The following AHNAK variants were observed in gnomAD, a reference collection of about 807,000 sequenced individuals.
The protein encoded by AHNAK is neuroblast differentiation-associated protein AHNAK.
In AHNAK, 23 loss-of-function variants were observed where a neutral mutation model predicts 37.8. The ratio of observed to expected loss-of-function variants is 0.61; its 90% CI spans 0.44 to 0.86. The LOEUF (loss-of-function observed/expected upper bound fraction) is 0.86, where lower values mean the gene tolerates loss of function less well. Among genes scored for constraint, AHNAK ranks in the 40% least tolerant of loss-of-function variants. The pLI is 0.00. For synonymous variants in AHNAK, 2,481 were observed against 2,636.3 expected (o/e 0.94, Z 1.80); for missense variants, 7,411 against 7,319.4 (o/e 1.01, Z -0.46).
At chr11:62,484,335 A>G (rs1939345542) in intron 5 of AHNAK, among the ~76,000 whole-genome samples, 1 of 152,094 alleles carries the variant, frequency 6.6e-6, no homozygotes, top group South Asian at 2.1e-4. Context: ...GCAGTGAGCT[A>G]TGATCATGCC....
At chr11:62,461,432 C>T (rs532507627) in intron 5 of AHNAK, among the ~76,000 whole-genome samples, 1 of 152,310 alleles carries the variant, frequency 6.6e-6, no homozygotes, top group South Asian at 2.1e-4. Flanking sequence ...GCGTGAGCCA[C>T]TGCGCCCGGC....
chr11:62,503,953 G>A (rs1389785886), intron 4 of AHNAK, among the ~76,000 whole-genome samples: 1 of 152,066 alleles, frequency 6.6e-6, no homozygotes, highest in African/African-American at 2.4e-5. Flanking sequence ...CTGAGGTCAG[G>A]AGTTCCAGAC....
At chr11:62,447,435 C>T (rs1938440820) in intron 5 of AHNAK, among the ~76,000 whole-genome samples, 2 of 152,132 alleles carry the variant, frequency 1.3e-5, no homozygotes. Context: ...ATGAGGAGAA[C>T]GTCTGTTCCA....
chr11:62,517,731 C>T lies in AHNAK; in HGVS notation c.16686G>A (p.Lys5562=). The T allele has an allele frequency of 6.2e-7, 1 of 1,614,206 alleles. No homozygotes were observed. Among genetic ancestry groups the T allele is most frequent in the South Asian group, 1.1e-5 (1 of 91,082 alleles). Residue 5562 remains lysine (K), a synonymous_variant, in exon 5 of 5, where the codon AAG becomes AAA. Coordinates refer to ENST00000378024, the MANE Select transcript of AHNAK (RefSeq NM_001620.3). ...SPESDFGINL[K]GPKIKGGADV... is the part of the protein sequence containing the mutation. ...CCGCACCTCCTTTGATTTTTGGGCCCTTCAAGTTGATGCCAAAATCTGACT... is the reference window on the plus strand; with the variant it reads ...CCGCACCTCCTTTGATTTTTGGGCCTTTCAAGTTGATGCCAAAATCTGACT...
Position 62,533,042 on chromosome 11 carries a change from C to T in AHNAK, c.1375G>A (p.Glu459Lys), listed in dbSNP as rs1219267094. Residue 459 changes from glutamate to lysine, a missense_variant, in exon 5 of 5, where the codon GAA (glutamate) becomes AAA (lysine). Physicochemically the swap from Glu to Lys is moderately conservative, Grantham distance 56 (BLOSUM62 1). Transcript: ENST00000378024. Reference protein sequence around the residue: ...TGIDVTLPTGEVTVPGVSGDV... With the variant: ...TGIDVTLPTGKVTVPGVSGDV... The stretch of plus-strand genomic sequence containing the variant: ...CCAGAGACCCCAGGAACAGTCACTT[C>T]ACCTGTAGGCAGTGTCACATCAATC... The T allele has an allele frequency of 1.2e-6, 2 of 1,612,802 alleles. No individual in the cohort carries two copies. The highest frequency in any genetic ancestry group is 1.3e-5 in the African/African-American group (1 of 74,854).
At chr11:62,447,899 A>G (rs1938449886) in intron 5 of AHNAK, among the ~76,000 whole-genome samples, 2 of 152,146 alleles carry the variant, frequency 1.3e-5, no homozygotes, top group Non-Finnish European at 2.9e-5. Context: ...ATGAACAACT[A>G]AAAAATTCCA....
chr11:62,463,871 C>A (rs1453242327), intron 5 of AHNAK, among the ~76,000 whole-genome samples: 1 of 151,976 alleles, frequency 6.6e-6, no homozygotes, highest in Non-Finnish European at 1.5e-5. Flanking sequence ...TCAAACAATT[C>A]TCCTGCCTCA....
intron 1 of AHNAK, among the ~76,000 whole-genome samples, chr11:62,543,306 G>T (rs895175364): frequency 2.0e-5 from 3 of 152,180 alleles, no homozygotes; most frequent in Non-Finnish European, 4.4e-5. Flanking sequence ...CACCAGAGCA[G>T]AATGCCACTG....
At position 62,529,988 on chromosome 11, in the gene AHNAK, C is replaced by T. The variant is rs1940668738; in HGVS notation, c.4429G>A (p.Glu1477Lys). The stretch of plus-strand genomic sequence containing the variant: ...ACATCAGGAGCTTTTATCTCTCCTT[C>T]TACTTTTGGAACTGTTACATCATAA... ...GDYDVTVPKV[E>K]GEIKAPDVDI... The change falls in exon 5 of 5, where the codon GAA (glutamate) becomes AAA (lysine). Residue 1477 changes from glutamate to lysine, a missense_variant. Glu to Lys is a moderately conservative substitution (Grantham distance 56). Transcript: ENST00000378024. 1 of 1,613,866 alleles carries T rather than the reference C, an allele frequency of 6.2e-7. No individual in the cohort carries two copies. The highest frequency in any genetic ancestry group is 8.5e-7 in the Non-Finnish European group (1 of 1,179,976).
intron 1 of AHNAK, among the ~76,000 whole-genome samples, chr11:62,539,978 C>T (rs1941074236): frequency 6.6e-6 from 1 of 152,228 alleles, no homozygotes. Flanking sequence ...GCATTTGGGT[C>T]CCAGCCCTCA....
At chr11:62,502,640 A>T (rs1314823002) in intron 4 of AHNAK, among the ~76,000 whole-genome samples, 3 of 152,214 alleles carry the variant, frequency 2.0e-5, no homozygotes, top group Non-Finnish European at 4.4e-5. Flanking sequence ...TTGGCCACTA[A>T]TATTTTAATA....
chr11:62,512,301 A>T (rs563978784), downstream of AHNAK, among the ~76,000 whole-genome samples: 51 of 152,278 alleles, frequency 3.3e-4, no homozygotes, highest in African/African-American at 1.2e-3. The surrounding 1 kb of genome is among the most constrained non-coding windows in gnomAD (Gnocchi z 4.0). Flanking sequence ...TCCCTGCTTC[A>T]CACGGCAGGC....
intron 5 of AHNAK, among the ~76,000 whole-genome samples, chr11:62,462,496 C>T (rs1296460861): frequency 1.3e-5 from 2 of 152,206 alleles, no homozygotes; most frequent in East Asian, 3.8e-4. Context: ...CTTACACCCT[C>T]AAAAGCAGCC....
chr11:62,520,755 A>G lies in AHNAK; in HGVS notation c.13662T>C (p.Asp4554=). 6.2e-7 allele frequency: 1 copy of G among 1,614,116 alleles called. No homozygotes were observed. Residue 4554 remains aspartate (D), a synonymous_variant, in exon 5 of 5, where the codon GAT becomes GAC. Transcript: ENST00000378024. ...CAATGCCCACTTTAGGGCCTTTGAC[A>G]TCCACTTTGGGACCTTTCAGATCTC... ...LEGDLKGPKV[D]VKGPKVGIDT...
At chr11:62,436,642 A>C (rs1938177647) in intron 5 of AHNAK, among the ~76,000 whole-genome samples, 1 of 151,828 alleles carries the variant, frequency 6.6e-6, no homozygotes, top group Non-Finnish European at 1.5e-5. Context: ...ATTAAAAAAA[A>C]AAAAAAAGTA....
chr11:62,444,420 G>C (rs905446982), intron 5 of AHNAK, among the ~76,000 whole-genome samples: 1 of 152,202 alleles, frequency 6.6e-6, no homozygotes, highest in African/African-American at 2.4e-5. Context: ...AGAGGATCTC[G>C]AAAGCAGAAG....
At chr11:62,495,468 C>T (rs773031381) in intron 4 of AHNAK, among the ~76,000 whole-genome samples, 14 of 152,102 alleles carry the variant, frequency 9.2e-5, no homozygotes, top group Non-Finnish European at 1.2e-4. Context: ...GACAGTGACT[C>T]ATGCCTATAA....
chr11:62,544,309 G>C (rs936670466), intron 1 of AHNAK, among the ~76,000 whole-genome samples: 1 of 152,136 alleles, frequency 6.6e-6, no homozygotes, highest in Non-Finnish European at 1.5e-5. Flanking sequence ...GCTGCCACAA[G>C]TCCTCAGCTC....
Position 62,530,638 on chromosome 11 carries a change from G to A in AHNAK, c.3779C>T (p.Pro1260Leu), listed in dbSNP as rs192627961. 1 of 1,613,230 alleles carries A rather than the reference G, an allele frequency of 6.2e-7. No individual in the cohort carries two copies. The highest frequency in any genetic ancestry group is 1.3e-5 in the African/African-American group (1 of 74,668). The change falls in exon 5 of 5, where the codon CCC (proline) becomes CTC (leucine). Residue 1260 changes from proline to leucine, a missense_variant. Coordinates refer to ENST00000378024, the MANE Select transcript of AHNAK (RefSeq NM_001620.3). ...WHLKMPKMKMPKFSMPGFKGE... is the reference protein window; with the variant it reads ...WHLKMPKMKMLKFSMPGFKGE... ...TTTGAAGCCAGGCATGCTAAACTTG[G>A]GCATTTTCATCTTGGGCATCTTCAG...
Sources: allele counts gnomAD v4.1 joint callset (sites outside exome capture counted in the v4.1 genomes callset), GRCh38; gene constraint gnomAD v4.1.1; non-coding constraint Gnocchi (gnomAD v3.1); transcripts MANE v1.5; gene names NCBI Gene and HGNC (gene_info 2026-07-23, HGNC 2026-07-21).